CMTM7: variants seen among roughly 807,000 people sequenced by gnomAD.
CMTM7 encodes CKLF like MARVEL transmembrane domain containing 7.
Under a neutral mutation model 19.3 loss-of-function variants are expected in CMTM7, and 7 were observed. The ratio of observed to expected loss-of-function variants is 0.36; its 90% CI spans 0.21 to 0.68. The LOEUF (loss-of-function observed/expected upper bound fraction) is 0.68. Among genes scored for constraint, CMTM7 ranks in the 30% least tolerant of loss-of-function variants. CMTM7 has a pLI of 0.60. For synonymous variants in CMTM7, 87 were observed against 99.3 expected (o/e 0.88, Z 0.74); for missense variants, 193 against 232.6 (o/e 0.83, Z 1.11).
At chr3:32,426,185 T>C (rs1696430145) in intron 1 of CMTM7, among the ~76,000 whole-genome samples, 2 of 152,082 alleles carry the variant, frequency 1.3e-5, no homozygotes. Flanking sequence ...GGGATTTGCC[T>C]GAGCAAACTA....
intron 1 of CMTM7, among the ~76,000 whole-genome samples, chr3:32,406,969 A>G (rs144692527): frequency 7.9e-5 from 12 of 152,320 alleles, no homozygotes; most frequent in African/African-American, 2.6e-4. Context: ...AAGGGAAATC[A>G]CTAGCAGAAG....
At chr3:32,451,925 A>G in intron 3 of CMTM7, 2 of 476,690 alleles carry the variant, frequency 4.2e-6, no homozygotes, top group Admixed American at 2.8e-5. Flanking sequence ...TTCTGGCTCT[A>G]ATACGGCTAT....
At chr3:32,446,208 C>T (rs1273745668) in intron 2 of CMTM7, among the ~76,000 whole-genome samples, 1 of 152,104 alleles carries the variant, frequency 6.6e-6, no homozygotes, top group Non-Finnish European at 1.5e-5. Flanking sequence ...TTTCAGATTG[C>T]ATCATTTATT....
intron 1 of CMTM7, among the ~76,000 whole-genome samples, chr3:32,427,627 A>G (rs1315920506): frequency 1.3e-5 from 2 of 152,236 alleles, no homozygotes; most frequent in Non-Finnish European, 2.9e-5. Context: ...ACAGGAGGCC[A>G]TGGGCTGCCA....
At chr3:32,399,150 T>G (rs1181159263) in intron 1 of CMTM7, among the ~76,000 whole-genome samples, 1 of 152,066 alleles carries the variant, frequency 6.6e-6, no homozygotes, top group Non-Finnish European at 1.5e-5. Context: ...ATATAGTCCT[T>G]AGTCTAAGAA....
At chr3:32,450,496 G>A (rs749092967) in intron 3 of CMTM7, among the ~76,000 whole-genome samples, 7 of 152,202 alleles carry the variant, frequency 4.6e-5, no homozygotes, top group Non-Finnish European at 8.8e-5. Flanking sequence ...TGGCCTGGGA[G>A]TGGGTTGGCT....
At chr3:32,392,136 C>CGCGCCGGGCGTCTG (rs1559397527) in intron 1 of CMTM7, 71 bp downstream of exon 1, 1 of 1,144,646 alleles carries the variant, frequency 8.7e-7, no homozygotes, top group East Asian at 3.2e-5. Context: ...CGGGAGCGGA[C>CGCGCCGGGCGTCTG]GCGCCGGGCG....
chr3:32,437,512 G>A (rs1432231212), intron 1 of CMTM7, among the ~76,000 whole-genome samples: 8 of 152,038 alleles, frequency 5.3e-5, no homozygotes, highest in Non-Finnish European at 2.9e-5. Context: ...CAGGAGAATC[G>A]CTTGAACCCA....
At chr3:32,407,773 C>T (rs1013432375) in intron 1 of CMTM7, among the ~76,000 whole-genome samples, 2 of 152,138 alleles carry the variant, frequency 1.3e-5, no homozygotes, top group African/African-American at 4.8e-5. Context: ...TGGGGGTCTG[C>T]GTGCTGACGG....
intron 1 of CMTM7, among the ~76,000 whole-genome samples, chr3:32,395,234 G>A (rs1695897657): frequency 6.6e-6 from 1 of 152,108 alleles, no homozygotes; most frequent in African/African-American, 2.4e-5. Flanking sequence ...TGAACTTAGA[G>A]ATTCAAGGGA....
At position 32,454,602 on chromosome 3, in the gene CMTM7, C is replaced by T; in HGVS notation, c.*348C>T. On this transcript the variant is annotated 3_prime_UTR_variant, in exon 5 of 5. Transcript: ENST00000334983. The stretch of plus-strand genomic sequence containing the variant: ...GTTTGTGAATACTCCCGCCTAAATC[C>T]CTTCTACTTCACTCCTCAGGGGAGT... The T allele has an allele frequency of 4.3e-6, 2 of 467,688 alleles. No homozygotes were observed. Among genetic ancestry groups the T allele is most frequent in the Non-Finnish European group, 8.1e-6 (2 of 246,924 alleles). 29.0% of individuals were successfully genotyped at this position (467,688 alleles called of 1,614,324 possible).
At chr3:32,452,092 C>T (rs1696840883) in intron 3 of CMTM7, 1 of 1,414,578 alleles carries the variant, frequency 7.1e-7, no homozygotes, top group Non-Finnish European at 9.3e-7. Flanking sequence ...TGGCTTAGCC[C>T]CAGCTTGCTT....
intron 2 of CMTM7, among the ~76,000 whole-genome samples, chr3:32,446,831 T>G (rs1696760286): frequency 6.6e-6 from 1 of 152,194 alleles, no homozygotes; most frequent in Non-Finnish European, 1.5e-5. Flanking sequence ...CCTTCACCTT[T>G]GCTTCAGAAA....
At chr3:32,404,162 C>CTTTTTTTTTTTTTTTTTTTTTT (rs5847761) in intron 1 of CMTM7, among the ~76,000 whole-genome samples, 6 of 74,676 alleles carry the variant, frequency 8.0e-5, no homozygotes, top group East Asian at 4.0e-4. Context: ...CTTTTTTTTT[C>CTTTTTTTTTTTTTTTTTTTTTT]TTTTTTTTTT....
chr3:32,451,992 C>A, intron 3 of CMTM7: 1 of 1,011,684 alleles, frequency 9.9e-7, no homozygotes, highest in Non-Finnish European at 1.4e-6. Flanking sequence ...CGCCACTACA[C>A]CACAAATCAT....
intron 1 of CMTM7, among the ~76,000 whole-genome samples, chr3:32,439,753 A>C (rs377510341): frequency 2.4e-4 from 37 of 152,228 alleles, no homozygotes; most frequent in Admixed American, 1.7e-3. Context: ...GATGCCAGGC[A>C]TGCACCAGGC....
At chr3:32,428,020 A>G (rs1037372876) in intron 1 of CMTM7, among the ~76,000 whole-genome samples, 1 of 152,228 alleles carries the variant, frequency 6.6e-6, no homozygotes, top group Non-Finnish European at 1.5e-5. Flanking sequence ...TGCATTGTTC[A>G]TAGTCTGGAC....
chr3:32,430,175 A>C (rs1210976068), intron 1 of CMTM7, among the ~76,000 whole-genome samples: 1 of 152,080 alleles, frequency 6.6e-6, no homozygotes, highest in East Asian at 1.9e-4. Flanking sequence ...CTGTAATCCA[A>C]TTTTTGACAC....
At chr3:32,439,652 C>G (rs1696647234) in intron 1 of CMTM7, among the ~76,000 whole-genome samples, 1 of 152,190 alleles carries the variant, frequency 6.6e-6, no homozygotes, top group Admixed American at 6.5e-5. Context: ...CAGGGTCTTG[C>G]TTGTTGCCCA....
Sources: allele counts gnomAD v4.1 joint callset (sites outside exome capture counted in the v4.1 genomes callset), GRCh38; gene constraint gnomAD v4.1.1; transcripts MANE v1.5; gene names NCBI Gene and HGNC (gene_info 2026-07-23, HGNC 2026-07-21).